CDK6: variants seen among roughly 807,000 people sequenced by gnomAD.
CDK6 encodes the protein cyclin dependent kinase 6.
A neutral mutation model predicts 37.1 loss-of-function variants in CDK6; 6 were observed. The ratio of observed to expected loss-of-function variants is 0.16; its 90% CI spans 0.09 to 0.32. CDK6 has a LOEUF of 0.32. Ranked by LOEUF, CDK6 falls within the 10% of genes least tolerant of loss-of-function variation. CDK6 has a pLI of 1.00. For missense variants in CDK6, 224 were observed against 418.9 expected (o/e 0.53, Z 4.06); for synonymous variants, 160 against 161.3 (o/e 0.99, Z 0.06).
intron 5 of CDK6, among the ~76,000 whole-genome samples, chr7:92,633,091 A>C (rs1413084485): frequency 6.6e-6 from 1 of 152,136 alleles, no homozygotes; most frequent in Admixed American, 6.6e-5. Context: ...ATCTTGGTGA[A>C]GAAAAGAAAT....
chr7:92,833,373 CG>C lies in CDK6; in HGVS notation c.-51del. On this transcript the variant is annotated 5_prime_UTR_variant, in exon 2 of 8. Coordinates refer to ENST00000424848, the MANE Select transcript of CDK6 (RefSeq NM_001145306.2). This position sits in a 1 kb window ranked among gnomAD's most constrained non-coding sequence, Gnocchi z 6.1. ...GCGCCGCTGGGGCGGGCGGGGGGTG[CG>C]CTCAACTAGCTGGCGGCCGCCGCTC... 7.4e-7 allele frequency: 1 copy of C among 1,353,554 alleles called. No individual in the cohort carries two copies. The highest frequency in any genetic ancestry group is 1.0e-6 in the Non-Finnish European group (1 of 997,136). The allele number at this position is 1,353,554 out of a possible 1,614,324, so 83.8% of individuals were successfully genotyped here.
Position 92,833,422 on chromosome 7 carries a change from GA to G in CDK6, c.-100del. On this transcript the variant is annotated 5_prime_UTR_variant, in exon 2 of 8. Transcript: ENST00000424848. This position sits in a 1 kb window ranked among gnomAD's most constrained non-coding sequence, Gnocchi z 6.1. ...CTCGCCTACTCCGGGGCTCCCCGGA[GA>G]TCGGTCTAGCTTTACTTGCTCCCCG... 2.4e-6 allele frequency: 2 copies of G among 826,960 alleles called. No homozygotes were observed. The highest frequency in any genetic ancestry group is 3.7e-6 in the Non-Finnish European group (2 of 544,734). 51.2% of individuals were successfully genotyped at this position (826,960 alleles called of 1,614,324 possible).
intron 4 of CDK6, among the ~76,000 whole-genome samples, chr7:92,719,674 T>C (rs1455400851): frequency 6.6e-6 from 1 of 152,148 alleles, no homozygotes; most frequent in Non-Finnish European, 1.5e-5. Context: ...CACAGGCATT[T>C]GAAGGAAAAA....
At chr7:92,793,634 A>C (rs1800334698) in intron 2 of CDK6, among the ~76,000 whole-genome samples, 1 of 152,176 alleles carries the variant, frequency 6.6e-6, no homozygotes, top group Non-Finnish European at 1.5e-5. Context: ...GTAAGAGCTA[A>C]AACTATAAAA....
At chr7:92,667,262 A>G (rs1418843347) in intron 5 of CDK6, among the ~76,000 whole-genome samples, 1 of 152,178 alleles carries the variant, frequency 6.6e-6, no homozygotes, top group African/African-American at 2.4e-5. Flanking sequence ...TAGTGGCATG[A>G]TCCTAGCTCA....
At chr7:92,736,257 T>C (rs967059468) in intron 3 of CDK6, among the ~76,000 whole-genome samples, 6 of 152,174 alleles carry the variant, frequency 3.9e-5, no homozygotes, top group African/African-American at 1.4e-4. Context: ...ACTTTATTTA[T>C]TGTAAAGTTC....
At chr7:92,787,325 A>G (rs1313364655) in intron 2 of CDK6, among the ~76,000 whole-genome samples, 1 of 152,052 alleles carries the variant, frequency 6.6e-6, no homozygotes, top group Non-Finnish European at 1.5e-5. Context: ...AAAATTATTT[A>G]AAAAATAAGA....
intron 2 of CDK6, among the ~76,000 whole-genome samples, chr7:92,783,486 A>C (rs1800046097): frequency 6.6e-6 from 1 of 152,214 alleles, no homozygotes; most frequent in South Asian, 2.1e-4. Flanking sequence ...TTATTTACTA[A>C]ATCATTTTAT....
intron 4 of CDK6, among the ~76,000 whole-genome samples, chr7:92,677,470 T>A (rs913914859): frequency 2.0e-5 from 3 of 151,968 alleles, no homozygotes; most frequent in Non-Finnish European, 4.4e-5. Context: ...ATAAAAAAAA[T>A]TAGCCAGGTG....
At chr7:92,826,104 C>T (rs573973703) in intron 2 of CDK6, among the ~76,000 whole-genome samples, 1 of 152,166 alleles carries the variant, frequency 6.6e-6, no homozygotes, top group South Asian at 2.1e-4. Context: ...ATGGTGTCTT[C>T]CTTTATAACT....
intron 3 of CDK6, among the ~76,000 whole-genome samples, chr7:92,764,942 C>G (rs1799543893): frequency 6.6e-6 from 1 of 151,962 alleles, no homozygotes; most frequent in Non-Finnish European, 1.5e-5. Flanking sequence ...GGCAATTGCT[C>G]TAGTAGAATG....
rs140253146 is a variant in CDK6 at position 92,610,031 on chromosome 7, A to T, written c.*5109T>A. ...TGCGCAGAAAAATAAAGTTAGAATG[A>T]AATCTCTTTTAGAAGTACCTCTTTA... is the stretch of plus-strand genomic sequence containing the variant. On this transcript the variant is annotated 3_prime_UTR_variant, in exon 8 of 8. Coordinates refer to ENST00000424848, the MANE Select transcript of CDK6 (RefSeq NM_001145306.2). The T allele has an allele frequency of 4.3e-6, 1 of 229,922 alleles. No individual in the cohort carries two copies. Among genetic ancestry groups the T allele is most frequent in the Non-Finnish European group, 8.6e-6 (1 of 116,060 alleles). The allele number at this position is 229,922 out of a possible 1,614,324, so 14.2% of individuals were successfully genotyped here.
chr7:92,809,016 T>A (rs1448053266), intron 2 of CDK6, among the ~76,000 whole-genome samples: 1 of 152,200 alleles, frequency 6.6e-6, no homozygotes, highest in Non-Finnish European at 1.5e-5. Context: ...TAAACACATT[T>A]AACAATAAAT....
chr7:92,649,668 A>G (rs1796529387), intron 5 of CDK6, among the ~76,000 whole-genome samples: 1 of 152,234 alleles, frequency 6.6e-6, no homozygotes, highest in Admixed American at 6.5e-5. Context: ...CCATGTTCAC[A>G]GAAAAGGAAA....
At chr7:92,625,472 T>C (rs1277610396) in intron 5 of CDK6, among the ~76,000 whole-genome samples, 4 of 151,816 alleles carry the variant, frequency 2.6e-5, no homozygotes, top group East Asian at 1.9e-4. Context: ...GAATGCCACA[T>C]TTTTCAATAA....
chr7:92,823,373 G>T (rs1801223417), intron 2 of CDK6, among the ~76,000 whole-genome samples: 1 of 133,360 alleles, frequency 7.5e-6, no homozygotes, highest in Admixed American at 8.5e-5. Flanking sequence ...CACTGATTAA[G>T]TTTCATGGGC....
intron 4 of CDK6, among the ~76,000 whole-genome samples, chr7:92,719,293 T>C (rs1585426537): frequency 6.6e-6 from 1 of 152,172 alleles, no homozygotes; most frequent in Non-Finnish European, 1.5e-5. Flanking sequence ...CTGGCAATTT[T>C]TGTAATACTT....
intron 3 of CDK6, among the ~76,000 whole-genome samples, chr7:92,774,437 T>C (rs183465094): frequency 1.3e-5 from 2 of 152,334 alleles, no homozygotes; most frequent in East Asian, 3.9e-4. Context: ...AATTTTAATA[T>C]GCATTAGAAC....
chr7:92,640,491 C>T lies in CDK6; in HGVS notation c.648-17405G>A, dbSNP rs372070317. ...GAGTCTATCCCAACTTGGAGCTTCC[C>T]GTATCAACAAAAACTCCATTTTCTA... On this transcript the variant is annotated intron_variant, in intron 5 of 7. Transcript: ENST00000424848. 1.3e-3 allele frequency among the ~76,000 whole-genome samples: 199 copies of T among 152,250 alleles called. 1 individual carries two copies. Among genetic ancestry groups the T allele is most frequent in the African/African-American group, 4.6e-3 (191 of 41,546 alleles).
Sources: gnomAD v4.1 joint callset for allele counts (sites outside exome capture counted in the v4.1 genomes callset) on GRCh38, gnomAD v4.1.1 for gene constraint, Gnocchi (gnomAD v3.1) non-coding constraint, MANE v1.5 for transcripts, NCBI Gene and HGNC (gene_info 2026-07-23, HGNC 2026-07-21) for gene names.